Variants in SLC11A2 observed in about 807,000 individuals in gnomAD.
The protein encoded by SLC11A2 is natural resistance-associated macrophage protein 2.
A neutral mutation model predicts 68.0 loss-of-function variants in SLC11A2; 38 were observed. That is an observed-to-expected ratio of 0.56 (90% confidence interval 0.43 to 0.73). The LOEUF is 0.73. SLC11A2 is among the 30% of genes least tolerant of loss of function. The probability of loss-of-function intolerance (pLI) is 0.00; values close to 1 mark genes in which losing one functional copy is unlikely to be tolerated. For synonymous variants in SLC11A2, 242 were observed against 250.6 expected (o/e 0.97, Z 0.32); for missense variants, 517 against 690.5 (o/e 0.75, Z 2.82).
Position 50,991,692 on chromosome 12 carries a change from A to C in SLC11A2, c.1348-20T>G, listed in dbSNP as rs1405785689. 6 of 1,600,338 alleles carry C rather than the reference A, an allele frequency of 3.7e-6. No individual in the cohort carries two copies. In the South Asian group the frequency reaches 4.4e-5, roughly 12 times the overall value. ...GGGAAGCTGGAAAAGAAAGAAGATCAGATGGGATTACTATGGGTCCTTGTA... is the reference window on the plus strand; with the variant it reads ...GGGAAGCTGGAAAAGAAAGAAGATCCGATGGGATTACTATGGGTCCTTGTA... On this transcript the variant is annotated intron_variant, in intron 13 of 15. Transcript: ENST00000262052.
In SLC11A2 at chr12:50,987,009, A is replaced by T. The variant is rs1273931303; in HGVS notation, c.*1316T>A. The T allele has an allele frequency of 7.8e-7, 1 of 1,285,548 alleles. No individual in the cohort carries two copies. Among genetic ancestry groups the T allele is most frequent in the African/African-American group, 1.5e-5 (1 of 65,716 alleles). 79.6% of individuals were successfully genotyped at this position (1,285,548 alleles called of 1,614,324 possible). On this transcript the variant is annotated 3_prime_UTR_variant, in exon 16 of 16. Transcript: ENST00000262052. The stretch of plus-strand genomic sequence containing the variant: ...AATCAATGACTATAAAACAGTTTTG[A>T]TTATTTATCTCCATCAAAGTGATTT...
chr12:51,007,303 C>A (rs1182119234), intron 3 of SLC11A2, among the ~76,000 whole-genome samples: 1 of 152,086 alleles, frequency 6.6e-6, no homozygotes, highest in Non-Finnish European at 1.5e-5. Flanking sequence ...TCAGAATAAA[C>A]CTCTTTAAAC....
downstream of SLC11A2, among the ~76,000 whole-genome samples, chr12:50,984,022 G>A (rs545813224): frequency 3.8e-4 from 58 of 151,790 alleles, no homozygotes; most frequent in African/African-American, 1.2e-3. Context: ...CCAGCTACTC[G>A]GGAGGCTGAG....
At chr12:51,018,366 C>A (rs1033494238) in intron 1 of SLC11A2, among the ~76,000 whole-genome samples, 29 of 151,940 alleles carry the variant, frequency 1.9e-4, no homozygotes, top group African/African-American at 6.8e-4. Flanking sequence ...TGCACTCCAG[C>A]CTGGGCAACC....
chr12:51,004,121 GA>G (rs1342254321), intron 5 of SLC11A2, among the ~76,000 whole-genome samples: 2 of 152,126 alleles, frequency 1.3e-5, no homozygotes, highest in East Asian at 3.9e-4. Context: ...ATATTATCAA[GA>G]TTTTTTTATT....
intron 8 of SLC11A2, among the ~76,000 whole-genome samples, 159 bp downstream of exon 8, chr12:50,999,015 T>C (rs1225705475): frequency 1.3e-5 from 2 of 152,138 alleles, no homozygotes; most frequent in Non-Finnish European, 2.9e-5. Context: ...ATAGATCATA[T>C]TCCTTTAAAA....
rs1393076932 is a variant in SLC11A2 at position 51,004,820 on chromosome 12, G to C, written c.397C>G (p.Leu133Val). 5 of 1,614,068 alleles carry C rather than the reference G, an allele frequency of 3.1e-6. No homozygotes were observed. Among genetic ancestry groups the C allele is most frequent in the Non-Finnish European group, 4.2e-6 (5 of 1,179,966 alleles). The change falls in exon 5 of 16, where the codon CTT (leucine) becomes GTT (valine). Residue 133 changes from leucine (L) to valine (V), a missense_variant. Transcript: ENST00000262052. ...TACTGACGGTGACATACTTCAGCAA[G>C]ATGCAGCCCAGTAACCACTCCCAGT... The part of the protein sequence containing the change: ...ARLGVVTGLH[L>V]AEVCHRQYPK...
chr12:51,027,442 C>G (rs113103615), upstream of SLC11A2, among the ~76,000 whole-genome samples: 7 of 152,004 alleles, frequency 4.6e-5, no homozygotes, highest in African/African-American at 1.7e-4. Context: ...TGGGAGGAAC[C>G]GAGAAACATC....
intron 1 of SLC11A2, among the ~76,000 whole-genome samples, chr12:51,019,644 C>CTTTTT (rs767266753): frequency 1.5e-5 from 2 of 135,746 alleles, no homozygotes; most frequent in Non-Finnish European, 3.2e-5. Context: ...ATCCATCCAA[C>CTTTTT]TTTTTTTTTT....
At chr12:51,012,349 T>TAA (rs11383719) in intron 1 of SLC11A2, among the ~76,000 whole-genome samples, 11 of 144,944 alleles carry the variant, frequency 7.6e-5, no homozygotes, top group Non-Finnish European at 1.1e-4. Context: ...ATAAGGCTAT[T>TAA]AAAAAAAAAA....
At chr12:50,970,948 C>T in the SLC11A2 span, among the ~76,000 whole-genome samples, 137 of 152,032 alleles carry the variant, frequency 9.0e-4, no homozygotes, top group Non-Finnish European at 1.1e-3. Flanking sequence ...GTATAATCTC[C>T]GCTCACCGCA....
the SLC11A2 span, among the ~76,000 whole-genome samples, chr12:50,963,369 C>CAAAAAAAAAAAA: frequency 1.4e-5 from 1 of 72,400 alleles, no homozygotes; most frequent in Non-Finnish European, 2.7e-5. Flanking sequence ...GACTCCATCT[C>CAAAAAAAAAAAA]AAAAAAAAAA....
At position 50,987,241 on chromosome 12, in the gene SLC11A2, A is replaced by G; in HGVS notation, c.*1084T>C. The G allele has an allele frequency of 1.6e-6, 2 of 1,287,214 alleles. No homozygotes were observed. Among genetic ancestry groups the G allele is most frequent in the Non-Finnish European group, 2.0e-6 (2 of 988,692 alleles). The allele number at this position is 1,287,214 out of a possible 1,614,324, so 79.7% of individuals were successfully genotyped here. A position where few individuals can be genotyped will look rare whatever the true frequency, so the allele number is the denominator to read the frequency against. On this transcript the variant is annotated 3_prime_UTR_variant, in exon 16 of 16. Transcript: ENST00000262052. ...CTGAGACAGTGAACTTTGCAACCAT[A>G]CTAACACCTACTGACTTGCAGAGAA...
intron 1 of SLC11A2, among the ~76,000 whole-genome samples, chr12:51,011,987 G>A (rs1943268501): frequency 6.6e-6 from 1 of 152,142 alleles, no homozygotes; most frequent in South Asian, 2.1e-4. Context: ...GGTAGTGGAA[G>A]GCCACTATTT....
intron 5 of SLC11A2, among the ~76,000 whole-genome samples, chr12:51,001,391 G>A (rs2136250153): frequency 6.6e-6 from 1 of 152,058 alleles, no homozygotes; most frequent in Middle Eastern, 3.4e-3. Context: ...ACTTGATGGG[G>A]GAGGGTGGAA....
Position 50,986,977 on chromosome 12 carries a change from C to T in SLC11A2, c.*1348G>A. The T allele has an allele frequency of 1.6e-6, 2 of 1,286,696 alleles. No individual in the cohort carries two copies. The highest frequency in any genetic ancestry group is 1.2e-5 in the South Asian group (1 of 80,912). The allele number at this position is 1,286,696 out of a possible 1,614,324, so 79.7% of individuals were successfully genotyped here. ...TTCAACACCATTTTCCATTACTGTT[C>T]TCACCAAATCAATGACTATAAAACA... On this transcript the variant is annotated 3_prime_UTR_variant, in exon 16 of 16. Transcript: ENST00000262052.
intron 2 of SLC11A2, 83 bp from the exon 3 acceptor site, chr12:51,008,707 T>A: frequency 9.1e-7 from 1 of 1,096,220 alleles, no homozygotes; most frequent in Non-Finnish European, 1.4e-6. Flanking sequence ...TGAAATTAAA[T>A]AGTTTAATAT....
intron 4 of SLC11A2, 106 bp downstream of exon 4, chr12:51,005,205 T>C (rs1462175867): frequency 8.3e-7 from 1 of 1,202,450 alleles, no homozygotes; most frequent in African/African-American, 1.5e-5. Context: ...GCCAATGAAG[T>C]ATCTGCATGT....
At chr12:50,994,767 C>T in intron 10 of SLC11A2, 137 bp from the exon 11 acceptor site, 1 of 681,122 alleles carries the variant, frequency 1.5e-6, no homozygotes, top group Admixed American at 2.2e-5. Flanking sequence ...GTGATGTGGG[C>T]AGAGACTAGC....
Sources: allele counts gnomAD v4.1 joint callset (sites outside exome capture counted in the v4.1 genomes callset), GRCh38; gene constraint gnomAD v4.1.1; transcripts MANE v1.5; gene names NCBI Gene and HGNC (gene_info 2026-07-23, HGNC 2026-07-21).